ARRB1: variants seen among roughly 807,000 people sequenced by gnomAD.
ARRB1 encodes the protein beta-arrestin-1.
In ARRB1, 21 loss-of-function variants were observed where a neutral mutation model predicts 56.8. That is an observed-to-expected ratio of 0.37 (90% CI 0.26 to 0.53). The LOEUF (loss-of-function observed/expected upper bound fraction) is 0.53. Among genes scored for constraint, ARRB1 ranks in the 20% least tolerant of loss-of-function variants. ARRB1 has a pLI of 0.88. For missense variants in ARRB1, 424 were observed against 553.7 expected (o/e 0.77, Z 2.35); for synonymous variants, 210 against 218.6 (o/e 0.96, Z 0.35).
chr11:75,326,180 A>G (rs531132143), intron 1 of ARRB1, among the ~76,000 whole-genome samples: 1 of 152,248 alleles, frequency 6.6e-6, no homozygotes, highest in South Asian at 2.1e-4. Context: ...ATTAACAGCC[A>G]AGGCTCCAGG....
intron 1 of ARRB1, among the ~76,000 whole-genome samples, chr11:75,325,550 T>C (rs897028464): frequency 2.6e-5 from 4 of 152,236 alleles, no homozygotes; most frequent in African/African-American, 9.6e-5. Context: ...CTCAAACTCC[T>C]GACCTCAAGT....
intron 12 of ARRB1, among the ~76,000 whole-genome samples, chr11:75,272,598 C>T (rs969691630): frequency 6.6e-6 from 1 of 152,034 alleles, no homozygotes; most frequent in Non-Finnish European, 1.5e-5. Flanking sequence ...CTGAGGACGC[C>T]GTCCCCTGGG....
chr11:75,346,286 C>A (rs1422175814), intron 1 of ARRB1, among the ~76,000 whole-genome samples: 1 of 152,178 alleles, frequency 6.6e-6, no homozygotes, highest in Non-Finnish European at 1.5e-5. Context: ...CTGGAGCCAG[C>A]ACATTACATG....
At chr11:75,303,814 AGCATCCAAACAGGGCCTGCACATGGCT>A (rs1408771466) in intron 1 of ARRB1, 1 of 407,716 alleles carries the variant, frequency 2.5e-6, no homozygotes, top group Non-Finnish European at 5.0e-6. Flanking sequence ...CTGGCCCCTG[AGCATCCAAACAGGGCCTGCACATGGCT>A]GCTCCTGAGT....
chr11:75,289,074 G>C (rs113865481), intron 2 of ARRB1, among the ~76,000 whole-genome samples: 1 of 152,292 alleles, frequency 6.6e-6, no homozygotes, highest in African/African-American at 2.4e-5. Context: ...TGAAACCCTG[G>C]TGCAGCAGGG....
rs1292668402 is a variant in ARRB1 at position 75,283,579 on chromosome 11, G to A, written c.158-96C>T. On this transcript the variant is annotated intron_variant, in intron 4 of 15. Coordinates refer to ENST00000420843, the MANE Select transcript of ARRB1 (RefSeq NM_004041.5). Reference sequence around the variant, plus strand: ...CAGCCCTGGGACGGGCCCCACTGGAGGCCCCAAGCCTGTCCCAAGCTCTGT... The same window carrying A: ...CAGCCCTGGGACGGGCCCCACTGGAAGCCCCAAGCCTGTCCCAAGCTCTGT... 13 of 1,264,720 alleles carry A rather than the reference G, an allele frequency of 1.0e-5. No homozygotes were observed. The Admixed American group carries it at 1.3e-4, about 13-fold the overall frequency. The allele number at this position is 1,264,720 out of a possible 1,614,324, so 78.3% of individuals were successfully genotyped here.
chr11:75,324,022 A>C (rs907369279), intron 1 of ARRB1, among the ~76,000 whole-genome samples: 3 of 152,212 alleles, frequency 2.0e-5, no homozygotes, highest in Non-Finnish European at 4.4e-5. Context: ...TGGAGCTTGA[A>C]TACACAAACA....
chr11:75,349,631 C>T (rs1327231608), intron 1 of ARRB1, among the ~76,000 whole-genome samples: 2 of 152,214 alleles, frequency 1.3e-5, no homozygotes, highest in Admixed American at 6.5e-5. Context: ...AGAATGGCTC[C>T]GACTCCCTGC....
At chr11:75,295,405 A>G (rs1321232378) in intron 1 of ARRB1, among the ~76,000 whole-genome samples, 1 of 152,036 alleles carries the variant, frequency 6.6e-6, no homozygotes, top group Non-Finnish European at 1.5e-5. Flanking sequence ...GGGGCTGCCC[A>G]CATTCCTTGG....
rs147549276 is a variant in ARRB1, at chr11:75,321,555, C to T, written c.20+30033G>A. On this transcript the variant is annotated intron_variant, in intron 1 of 15. Transcript: ENST00000420843. ...CAGCCCTCATCTGAGTTACTTGAAG[C>T]TGCTGGAATTTAGGGGTCCTTCTTT... is the stretch of plus-strand genomic sequence containing the variant. Among the ~76,000 whole-genome samples the T allele has an allele frequency of 1.1e-3, 173 of 152,248 alleles. 1 individual carries two copies. The highest frequency in any genetic ancestry group is 4.0e-3 in the African/African-American group (167 of 41,546).
intron 1 of ARRB1, among the ~76,000 whole-genome samples, chr11:75,313,428 C>A (rs1947205318): frequency 6.6e-6 from 1 of 152,236 alleles, no homozygotes; most frequent in African/African-American, 2.4e-5. Context: ...TTGGGGGCCC[C>A]TCAGCCAAGG....
chr11:75,291,476 T>C (rs1308156615), intron 1 of ARRB1, among the ~76,000 whole-genome samples: 3 of 152,186 alleles, frequency 2.0e-5, no homozygotes. Context: ...AGGCAGAGAA[T>C]AAGCCATGGT....
In ARRB1 at chr11:75,276,703, C is replaced by A. The variant is rs1247002090; in HGVS notation, c.776+136G>T. 6 of 757,666 alleles carry A rather than the reference C, an allele frequency of 7.9e-6. No homozygotes were observed. The African/African-American group carries it at 1.0e-4, about 13-fold the overall frequency. 46.9% of individuals were successfully genotyped at this position (757,666 alleles called of 1,614,324 possible). A position where few individuals can be genotyped will look rare whatever the true frequency, so the allele number is the denominator to read the frequency against. On this transcript the variant is annotated intron_variant, in intron 10 of 15. Coordinates refer to ENST00000420843, the MANE Select transcript of ARRB1 (RefSeq NM_004041.5). ...AAAAGGCTCTTCGGGATCATCTACT[C>A]TGAGTGGCAAGGAAGTCTGAGGCCC...
At chr11:75,337,477 G>T (rs1037843586) in intron 1 of ARRB1, among the ~76,000 whole-genome samples, 1 of 152,188 alleles carries the variant, frequency 6.6e-6, no homozygotes, top group Admixed American at 6.5e-5. Context: ...TCAGCAGCTC[G>T]GGGCTCACTT....
intron 1 of ARRB1, among the ~76,000 whole-genome samples, chr11:75,337,154 T>A (rs1947618130): frequency 6.6e-6 from 1 of 152,108 alleles, no homozygotes; most frequent in Admixed American, 6.5e-5. Context: ...ATTTCCCTTT[T>A]CAAAGTCAGT....
intron 1 of ARRB1, among the ~76,000 whole-genome samples, chr11:75,292,388 C>T (rs1260853808): frequency 2.6e-5 from 4 of 152,170 alleles, no homozygotes; most frequent in African/African-American, 4.8e-5. Flanking sequence ...GATCCTCCCA[C>T]CTCCAGCCTC....
chr11:75,324,442 G>A (rs1459872061), intron 1 of ARRB1, among the ~76,000 whole-genome samples: 1 of 152,194 alleles, frequency 6.6e-6, no homozygotes, highest in East Asian at 1.9e-4. Context: ...AGGTAGGGAT[G>A]AGGTCTGGCC....
chr11:75,326,457 T>G (rs886107254), intron 1 of ARRB1, among the ~76,000 whole-genome samples: 3 of 152,184 alleles, frequency 2.0e-5, no homozygotes, highest in Non-Finnish European at 2.9e-5. Flanking sequence ...ATGAAGATTC[T>G]CATAATAAAA....
chr11:75,281,913 G>A (rs1591911999), intron 6 of ARRB1, 49 bp downstream of exon 6: 12 of 1,585,644 alleles, frequency 7.6e-6, no homozygotes, highest in Non-Finnish European at 9.5e-6. Flanking sequence ...GGGACCTGGG[G>A]ACATGAGACT....
Sources: gnomAD v4.1 joint callset for allele counts (sites outside exome capture counted in the v4.1 genomes callset) on GRCh38, gnomAD v4.1.1 for gene constraint, MANE v1.5 for transcripts, NCBI Gene and HGNC (gene_info 2026-07-23, HGNC 2026-07-21) for gene names.